Variants in SLC7A5 observed in about 807,000 individuals in gnomAD.
SLC7A5 encodes solute carrier family 7 member 5, also known as large neutral amino acids transporter small subunit 1.
Under a neutral mutation model 50.2 loss-of-function variants are expected in SLC7A5, and 23 were observed. The ratio of observed to expected loss-of-function variants is 0.46; its 90% CI spans 0.33 to 0.65. The LOEUF (loss-of-function observed/expected upper bound fraction) is 0.65. SLC7A5 is among the 30% of genes least tolerant of loss of function. The pLI is 0.02. For missense variants in SLC7A5, 578 were observed against 684.4 expected, an observed-to-expected ratio of 0.84 and a Z score of 1.73; for synonymous variants, 393 against 330.6, an observed-to-expected ratio of 1.19 and a Z score of -2.05.
chr16:87,851,758 C>T lies in SLC7A5; in HGVS notation c.630G>A (p.Leu210=), dbSNP rs2055226981. The T allele has an allele frequency of 1.2e-6, 2 of 1,613,048 alleles. No individual in the cohort carries two copies. Among genetic ancestry groups the T allele is most frequent in the Admixed American group, 1.7e-5 (1 of 59,996 alleles). ...TCTGGACGAAGCCCAGCAGGATGAT[C>T]AGGGCCAGGGCCAGGAGCTTGGCGG... The part of the protein sequence containing the change: ...FAAAKLLALA[L]IILLGFVQIG... The change falls in exon 2 of 10, where the codon CTG becomes CTA. Residue 210 remains leucine, a synonymous_variant. Coordinates refer to ENST00000261622, the MANE Select transcript of SLC7A5 (RefSeq NM_003486.7).
chr16:87,849,039 G>A (rs971292824), intron 2 of SLC7A5, among the ~76,000 whole-genome samples: 1 of 152,236 alleles, frequency 6.6e-6, no homozygotes, highest in African/African-American at 2.4e-5. Context: ...CCAGGGTGCG[G>A]GACAGGCAGG....
chr16:87,850,155 G>A (rs1003340014), intron 2 of SLC7A5, among the ~76,000 whole-genome samples: 11 of 152,212 alleles, frequency 7.2e-5, no homozygotes, highest in African/African-American at 2.2e-4. Context: ...GCCAGCAGGG[G>A]GCGCCAGGAG....
rs1413980379 is a variant in SLC7A5 at position 87,841,146 on chromosome 16, G to A, written c.674C>T (p.Ser225Phe). Residue 225 changes from serine to phenylalanine, a missense_variant, in exon 3 of 10, where the codon TCC becomes TTC. This residue lies in a region of SLC7A5 where 465 missense variants were observed against 594.6 expected (regional missense o/e 0.78). Coordinates refer to ENST00000261622, the MANE Select transcript of SLC7A5 (RefSeq NM_003486.7). The surrounding 1 kb of genome is among the most constrained non-coding windows in gnomAD (Gnocchi z 4.8). ...AAATGAGAAGTTGGGATCTAGATTG[G>A]ACACATCACCTGGCAGGGCCAAAGA... Reference protein sequence around the residue: ...GFVQIGKGDVSNLDPNFSFEG... With the variant: ...GFVQIGKGDVFNLDPNFSFEG... 1 of 1,610,286 alleles carries A rather than the reference G, an allele frequency of 6.2e-7. No individual in the cohort carries two copies. The highest frequency in any genetic ancestry group is 8.5e-7 in the Non-Finnish European group (1 of 1,176,726).
intron 2 of SLC7A5, among the ~76,000 whole-genome samples, chr16:87,842,918 G>A (rs1442617084): frequency 3.9e-5 from 6 of 152,306 alleles, no homozygotes; most frequent in Middle Eastern, 3.4e-3. Context: ...GGAATGTTCT[G>A]GAATGTGCAG....
At position 87,853,198 on chromosome 16, in the gene SLC7A5, T is replaced by C. The variant is rs972259966; in HGVS notation, c.539-1349A>G. On this transcript the variant is annotated intron_variant, in intron 1 of 9. Transcript: ENST00000261622. The surrounding 1 kb of genome is among the most constrained non-coding windows in gnomAD (Gnocchi z 4.4). Reference sequence around the variant, plus strand: ...GGCTTTTCCCCAGCTGAACAAATCCTGTGGAATCTTACAATGTAAGCAACA... The same window carrying C: ...GGCTTTTCCCCAGCTGAACAAATCCCGTGGAATCTTACAATGTAAGCAACA... Among the ~76,000 whole-genome samples, 1 of 152,200 alleles carries C rather than the reference T, an allele frequency of 6.6e-6. No individual in the cohort carries two copies. Among genetic ancestry groups the C allele is most frequent in the African/African-American group, 2.4e-5 (1 of 41,446 alleles).
chr16:87,864,920 T>A (rs2055442155), intron 1 of SLC7A5, among the ~76,000 whole-genome samples: 1 of 152,242 alleles, frequency 6.6e-6, no homozygotes, highest in South Asian at 2.1e-4. Flanking sequence ...ACTATTTTTA[T>A]TTGTTTAATT....
intron 2 of SLC7A5, among the ~76,000 whole-genome samples, chr16:87,846,435 G>A (rs1039944644): frequency 2.6e-5 from 4 of 152,226 alleles, no homozygotes; most frequent in Non-Finnish European, 4.4e-5. Flanking sequence ...AGCGGGGCCC[G>A]AAGCTCCATC....
intron 7 of SLC7A5, chr16:87,837,634 C>T (rs1432832769): frequency 2.5e-5 from 14 of 562,410 alleles, no homozygotes; most frequent in Non-Finnish European, 3.8e-5. Flanking sequence ...TGGTCTGAAT[C>T]GTTTGTGGCA....
intron 2 of SLC7A5, among the ~76,000 whole-genome samples, chr16:87,850,001 C>A (rs900751706): frequency 6.6e-6 from 1 of 152,204 alleles, no homozygotes; most frequent in Non-Finnish European, 1.5e-5. Context: ...ACAGTCTGGC[C>A]CCAGCCCCTG....
At chr16:87,864,066 C>T (rs1205277184) in intron 1 of SLC7A5, among the ~76,000 whole-genome samples, 2 of 143,160 alleles carry the variant, frequency 1.4e-5, no homozygotes, top group African/African-American at 5.1e-5. Context: ...CCGAGGTGGG[C>T]GGATCACCTG....
At chr16:87,863,202 CG>C (rs1567502706) in intron 1 of SLC7A5, among the ~76,000 whole-genome samples, 2 of 152,166 alleles carry the variant, frequency 1.3e-5, no homozygotes, top group Non-Finnish European at 2.9e-5. Context: ...GTGAGCCCAT[CG>C]GGCCCTTCTT....
Position 87,860,654 on chromosome 16 carries a change from A to T in SLC7A5, c.538+8231T>A, listed in dbSNP as rs2055386359. ...CCGGATAAATCTCTTCAAACATTTT[A>T]CAGAGTCTGGCTTTCTCGTTAACAA... On this transcript the variant is annotated intron_variant, in intron 1 of 9. Coordinates refer to ENST00000261622, the MANE Select transcript of SLC7A5 (RefSeq NM_003486.7). This position sits in a 1 kb window ranked among gnomAD's most constrained non-coding sequence, Gnocchi z 4.8. Among the ~76,000 whole-genome samples, 1 of 152,156 alleles carries T rather than the reference A, an allele frequency of 6.6e-6. No homozygotes were observed. The highest frequency in any genetic ancestry group is 2.4e-5 in the African/African-American group (1 of 41,444).
At chr16:87,857,846 C>T (rs1246481012) in intron 1 of SLC7A5, among the ~76,000 whole-genome samples, 3 of 152,222 alleles carry the variant, frequency 2.0e-5, no homozygotes, top group South Asian at 4.1e-4. Flanking sequence ...GGCTGAGTTA[C>T]GCCCAACCAC....
chr16:87,839,606 G>T (rs1567489746), intron 5 of SLC7A5, 96 bp downstream of exon 5: 1 of 1,579,740 alleles, frequency 6.3e-7, no homozygotes, highest in Non-Finnish European at 8.6e-7. Context: ...CTGCGTAGGG[G>T]AGGCTTAGAG....
Position 87,832,838 on chromosome 16 carries a change from C to T in SLC7A5, c.*132G>A. The T allele has an allele frequency of 1.3e-6, 1 of 778,704 alleles. No homozygotes were observed. Among genetic ancestry groups the T allele is most frequent in the Non-Finnish European group, 2.3e-6 (1 of 434,370 alleles). The allele number at this position is 778,704 out of a possible 1,614,324, so 48.2% of individuals were successfully genotyped here. A position where few individuals can be genotyped will look rare whatever the true frequency, so the allele number is the denominator to read the frequency against. On this transcript the variant is annotated 3_prime_UTR_variant, in exon 10 of 10. Coordinates refer to ENST00000261622, the MANE Select transcript of SLC7A5 (RefSeq NM_003486.7). This position sits in a 1 kb window ranked among gnomAD's most constrained non-coding sequence, Gnocchi z 4.6. ...TTCACAGCAGCCTCCACTGCCCGACCTGGGAGGGACGGCGAGGGACTGGGA... is the reference window on the plus strand; with the variant it reads ...TTCACAGCAGCCTCCACTGCCCGACTTGGGAGGGACGGCGAGGGACTGGGA...
chr16:87,837,467 C>A (rs571032770), intron 7 of SLC7A5: 5 of 277,588 alleles, frequency 1.8e-5, no homozygotes, highest in Non-Finnish European at 2.1e-5. Flanking sequence ...AAGGCAGTCA[C>A]GCGGGCTGGC....
intron 1 of SLC7A5, among the ~76,000 whole-genome samples, chr16:87,865,808 G>C (rs1236415770): frequency 6.6e-6 from 1 of 152,064 alleles, no homozygotes; most frequent in South Asian, 2.1e-4. Context: ...TCTTTGGAAG[G>C]CACATTAGCT....
At chr16:87,865,067 C>T (rs1411652267) in intron 1 of SLC7A5, among the ~76,000 whole-genome samples, 2 of 152,146 alleles carry the variant, frequency 1.3e-5, no homozygotes, top group Non-Finnish European at 2.9e-5. Flanking sequence ...AACCCCAACA[C>T]ACCTCCCTCT....
At chr16:87,850,858 C>A (rs533113302) in intron 2 of SLC7A5, among the ~76,000 whole-genome samples, 1 of 152,330 alleles carries the variant, frequency 6.6e-6, no homozygotes, top group South Asian at 2.1e-4. Flanking sequence ...GCTCTGCAGG[C>A]AGACACAGAA....
Sources: gnomAD v4.1 joint callset for allele counts (sites outside exome capture counted in the v4.1 genomes callset) on GRCh38, gnomAD v4.1.1 for gene constraint, gnomAD v4.1.1 regional missense constraint, Gnocchi (gnomAD v3.1) non-coding constraint, MANE v1.5 for transcripts, NCBI Gene and HGNC (gene_info 2026-07-23, HGNC 2026-07-21) for gene names.